The following CHCHD3 variants were observed in gnomAD, a reference collection of about 807,000 sequenced individuals.
CHCHD3 encodes the protein coiled-coil-helix-coiled-coil-helix domain containing 3.
Under a neutral mutation model 38.2 loss-of-function variants are expected in CHCHD3, and 20 were observed. That is an observed-to-expected ratio of 0.52 (90% CI 0.37 to 0.76). The LOEUF is 0.76. Ranked by LOEUF, CHCHD3 falls within the 30% of genes least tolerant of loss-of-function variation. The pLI is 0.00. For synonymous variants in CHCHD3, 82 were observed against 100.0 expected (o/e 0.82, Z 1.07); for missense variants, 245 against 279.2 (o/e 0.88, Z 0.87).
chr7:132,791,868 A>G (rs1806468593), intron 7 of CHCHD3, among the ~76,000 whole-genome samples: 1 of 152,154 alleles, frequency 6.6e-6, no homozygotes, highest in African/African-American at 2.4e-5. Flanking sequence ...TCCTGACCCC[A>G]AGTTCCTCAC....
intron 2 of CHCHD3, among the ~76,000 whole-genome samples, chr7:133,049,401 C>T (rs1206888100): frequency 6.6e-6 from 1 of 152,200 alleles, no homozygotes; most frequent in East Asian, 1.9e-4. Flanking sequence ...TATTTTTAGA[C>T]ATGTGATTTT....
intron 2 of CHCHD3, among the ~76,000 whole-genome samples, chr7:133,038,879 C>T (rs1813752273): frequency 6.6e-6 from 1 of 152,182 alleles, no homozygotes; most frequent in African/African-American, 2.4e-5. Flanking sequence ...TCATTTTATT[C>T]CATACAATTG....
chr7:132,966,838 A>T (rs1323701255), intron 4 of CHCHD3, among the ~76,000 whole-genome samples: 1 of 152,244 alleles, frequency 6.6e-6, no homozygotes, highest in Non-Finnish European at 1.5e-5. Flanking sequence ...AATTTGTTGC[A>T]GGTTAAAGCA....
intron 3 of CHCHD3, among the ~76,000 whole-genome samples, chr7:133,009,200 T>TA (rs1310131447): frequency 1.3e-5 from 2 of 151,062 alleles, no homozygotes; most frequent in Non-Finnish European, 3.0e-5. Context: ...CCATCTCTAT[T>TA]AAAAAACACA....
intron 3 of CHCHD3, among the ~76,000 whole-genome samples, chr7:133,021,373 T>G (rs1464215703): frequency 6.6e-6 from 1 of 152,214 alleles, no homozygotes; most frequent in Non-Finnish European, 1.5e-5. Context: ...CCCCTCCTTA[T>G]GGAATGCTCA....
chr7:132,876,450 TCTTAC>T (rs1450536858), intron 5 of CHCHD3, among the ~76,000 whole-genome samples: 2 of 152,252 alleles, frequency 1.3e-5, no homozygotes, highest in African/African-American at 4.8e-5. Flanking sequence ...ATGCTTTATT[TCTTAC>T]CTTGTCTTTA....
chr7:132,895,135 A>C (rs1366996859), intron 4 of CHCHD3, among the ~76,000 whole-genome samples: 1 of 152,242 alleles, frequency 6.6e-6, no homozygotes, highest in Non-Finnish European at 1.5e-5. Flanking sequence ...CTGCCATATT[A>C]TAAAGACACT....
At chr7:132,924,485 ACC>A (rs1810330421) in intron 4 of CHCHD3, among the ~76,000 whole-genome samples, 1 of 152,214 alleles carries the variant, frequency 6.6e-6, no homozygotes, top group Non-Finnish European at 1.5e-5. Flanking sequence ...ATCTTGCCCT[ACC>A]ACGACTTGAA....
rs919389277 is a variant in CHCHD3, at chr7:133,003,807, TA to T, written c.251+20738del. 6.8e-4 allele frequency among the ~76,000 whole-genome samples: 103 copies of T among 152,150 alleles called. 1 individual carries two copies. Among genetic ancestry groups the T allele is most frequent in the Non-Finnish European group, 1.3e-4 (9 of 68,018 alleles). Reference sequence around the variant, plus strand: ...TGCTGAGATAAAAATACACGGAGGATAAAAATACCTTGAAAAGAAACATATG... The same window carrying T: ...TGCTGAGATAAAAATACACGGAGGATAAAATACCTTGAAAAGAAACATATG... On this transcript the variant is annotated intron_variant, in intron 3 of 7. Coordinates refer to ENST00000262570, the MANE Select transcript of CHCHD3 (RefSeq NM_017812.4).
rs558344424 is a variant in CHCHD3, at chr7:133,058,922, C to T, written c.169+11220G>A. 2.6e-5 allele frequency among the ~76,000 whole-genome samples: 4 copies of T among 152,260 alleles called. No homozygotes were observed. The South Asian group carries it at 8.3e-4, about 32-fold the overall frequency. ...AGATGCTTCTGTGTGTTTGAGCACA[C>T]GGGGAGCTCCCTGAGCTAGCTCCCT... On this transcript the variant is annotated intron_variant, in intron 2 of 7. Transcript: ENST00000262570.
intron 3 of CHCHD3, among the ~76,000 whole-genome samples, chr7:132,992,155 C>T (rs1327029513): frequency 1.3e-5 from 2 of 152,170 alleles, no homozygotes; most frequent in Non-Finnish European, 1.5e-5. Context: ...CATTTGCTTC[C>T]TATCGCGTCA....
At chr7:132,862,460 T>C (rs931545541) in intron 5 of CHCHD3, among the ~76,000 whole-genome samples, 6 of 152,358 alleles carry the variant, frequency 3.9e-5, no homozygotes, top group African/African-American at 1.4e-4. Context: ...ATAATCTTAA[T>C]TTAAAAATAC....
At chr7:132,893,072 T>C (rs1809407109) in intron 4 of CHCHD3, among the ~76,000 whole-genome samples, 1 of 152,104 alleles carries the variant, frequency 6.6e-6, no homozygotes, top group Admixed American at 6.5e-5. Context: ...CCCAGAATGG[T>C]AGATCCACTG....
intron 2 of CHCHD3, among the ~76,000 whole-genome samples, chr7:133,044,967 G>T (rs1002785706): frequency 6.6e-6 from 1 of 152,236 alleles, no homozygotes; most frequent in Non-Finnish European, 1.5e-5. Context: ...TGCATGATGC[G>T]GGGTTAGGGG....
At chr7:132,995,905 C>T (rs1034544583) in intron 3 of CHCHD3, among the ~76,000 whole-genome samples, 2 of 152,110 alleles carry the variant, frequency 1.3e-5, no homozygotes, top group Non-Finnish European at 2.9e-5. Flanking sequence ...TTGTGCCAGG[C>T]ATTTTAACAG....
intron 4 of CHCHD3, among the ~76,000 whole-genome samples, chr7:132,926,787 A>C (rs1810388874): frequency 6.6e-6 from 1 of 152,246 alleles, no homozygotes; most frequent in Non-Finnish European, 1.5e-5. Context: ...AATGCTATGT[A>C]AATAACTACT....
At chr7:133,068,979 T>C (rs1814746182) in intron 2 of CHCHD3, among the ~76,000 whole-genome samples, 1 of 151,982 alleles carries the variant, frequency 6.6e-6, no homozygotes, top group East Asian at 1.9e-4. Context: ...AGATATAATT[T>C]TGGGAGTCAC....
At chr7:133,048,955 C>G (rs1814071562) in intron 2 of CHCHD3, among the ~76,000 whole-genome samples, 1 of 152,176 alleles carries the variant, frequency 6.6e-6, no homozygotes, top group South Asian at 2.1e-4. Flanking sequence ...TTTAAAAGTA[C>G]CAGGCATCTG....
intron 3 of CHCHD3, among the ~76,000 whole-genome samples, chr7:132,993,008 AG>A (rs1812323730): frequency 6.6e-6 from 1 of 152,206 alleles, no homozygotes; most frequent in South Asian, 2.1e-4. Context: ...CAGTCCTTTT[AG>A]GTGTCATTCC....
Sources: gnomAD v4.1 joint callset for allele counts (sites outside exome capture counted in the v4.1 genomes callset) on GRCh38, gnomAD v4.1.1 for gene constraint, MANE v1.5 for transcripts, NCBI Gene and HGNC (gene_info 2026-07-23, HGNC 2026-07-21) for gene names.